ROCK1: variants seen among roughly 807,000 people sequenced by gnomAD.
The protein encoded by ROCK1 is Rho associated coiled-coil containing protein kinase 1.
A neutral mutation model predicts 196.8 loss-of-function variants in ROCK1; 36 were observed. That is an observed-to-expected ratio of 0.18 (90% CI 0.14 to 0.24). The LOEUF is 0.24. Ranked by LOEUF, ROCK1 falls within the 10% of genes least tolerant of loss-of-function variation. The pLI, the probability that ROCK1 is intolerant of heterozygous loss-of-function variation, is 1.00. For missense variants in ROCK1, 920 were observed against 1,562.0 expected, an observed-to-expected ratio of 0.59 and a Z score of 6.93; for synonymous variants, 443 against 515.9, an observed-to-expected ratio of 0.86 and a Z score of 1.91.
intron 20 of ROCK1, among the ~76,000 whole-genome samples, chr18:20,983,165 C>G (rs953694847): frequency 4.0e-5 from 6 of 149,858 alleles, no homozygotes; most frequent in African/African-American, 1.5e-4. Flanking sequence ...GAAAAGCAGT[C>G]ATAGGGAAGA....
Position 20,988,224 on chromosome 18 carries a change from C to G in ROCK1, c.2144-1114G>C, listed in dbSNP as rs1474983114. ...GAGATTACAGGTACGCACCACTACACGCAGCTAATTTTTGTATTTTTCAGT... is the reference window on the plus strand; with the variant it reads ...GAGATTACAGGTACGCACCACTACAGGCAGCTAATTTTTGTATTTTTCAGT... On this transcript the variant is annotated intron_variant, in intron 18 of 32. Coordinates refer to ENST00000399799, the MANE Select transcript of ROCK1 (RefSeq NM_005406.3). Among the ~76,000 whole-genome samples, 3 of 152,176 alleles carry G rather than the reference C, an allele frequency of 2.0e-5. No homozygotes were observed. The South Asian group carries it at 6.2e-4, about 32-fold the overall frequency.
intron 4 of ROCK1, among the ~76,000 whole-genome samples, chr18:21,046,316 T>C (rs2036158428): frequency 6.6e-6 from 1 of 152,230 alleles, no homozygotes; most frequent in Non-Finnish European, 1.5e-5. Context: ...TTCGTTTAAC[T>C]TTTATACCTG....
chr18:21,081,248 A>G (rs1012523807), intron 1 of ROCK1, among the ~76,000 whole-genome samples: 1 of 152,182 alleles, frequency 6.6e-6, no homozygotes, highest in Non-Finnish European at 1.5e-5. Flanking sequence ...AAATTAGACA[A>G]TGAACTCTTA....
At chr18:21,106,912 T>C (rs1295635829) in intron 1 of ROCK1, among the ~76,000 whole-genome samples, 1 of 152,250 alleles carries the variant, frequency 6.6e-6, no homozygotes, top group African/African-American at 2.4e-5. Context: ...TCTAAACTAC[T>C]GCAGGTTGAG....
At chr18:21,039,652 CAGTGT>C in intron 8 of ROCK1, 89 bp from the exon 9 acceptor site, 1 of 851,808 alleles carries the variant, frequency 1.2e-6, no homozygotes, top group South Asian at 1.4e-5. Context: ...GATATTAAAT[CAGTGT>C]AGGACGACAA....
intron 18 of ROCK1, among the ~76,000 whole-genome samples, chr18:20,988,179 C>A (rs1012056998): frequency 1.1e-4 from 17 of 152,182 alleles, no homozygotes; most frequent in Admixed American, 8.5e-4. Flanking sequence ...AATACTCCTG[C>A]CTCAGTCTCC....
intron 16 of ROCK1, among the ~76,000 whole-genome samples, chr18:21,002,728 GT>G (rs199983555): frequency 0.01 from 1,565 of 152,152 alleles, 32 homozygotes; most frequent in African/African-American, 0.036. Context: ...CAGACTTTAT[GT>G]TTTTTCATTC....
At chr18:20,987,698 A>AT (rs1212610722) in intron 18 of ROCK1, among the ~76,000 whole-genome samples, 3 of 152,224 alleles carry the variant, frequency 2.0e-5, no homozygotes, top group African/African-American at 4.8e-5. Context: ...AAGTTGCCCC[A>AT]TAAGGATTCA....
chr18:21,045,553 A>C (rs1257432982), intron 4 of ROCK1, 86 bp from the exon 5 acceptor site: 4 of 1,064,234 alleles, frequency 3.8e-6, no homozygotes, highest in Non-Finnish European at 5.2e-6. Context: ...AATGTTAATA[A>C]AAGATTTAAG....
Position 21,058,205 on chromosome 18 carries a change from G to C in ROCK1, c.176-8325C>G, listed in dbSNP as rs189393411. On this transcript the variant is annotated intron_variant, in intron 2 of 32. Coordinates refer to ENST00000399799, the MANE Select transcript of ROCK1 (RefSeq NM_005406.3). ...CTGCAGTCATCTCTGAGTTTGGTGAGACTACAGATTATTCTGCCACATTTT... is the reference window on the plus strand; with the variant it reads ...CTGCAGTCATCTCTGAGTTTGGTGACACTACAGATTATTCTGCCACATTTT... 2.6e-5 allele frequency among the ~76,000 whole-genome samples: 4 copies of C among 152,048 alleles called. No individual in the cohort carries two copies. The South Asian group carries it at 8.3e-4, about 32-fold the overall frequency.
chr18:21,042,426 C>G, intron 7 of ROCK1, 139 bp downstream of exon 7: 1 of 1,066,710 alleles, frequency 9.4e-7, no homozygotes, highest in Non-Finnish European at 1.3e-6. Flanking sequence ...AAAACACATA[C>G]GAAGCAGGTT....
chr18:20,975,891 G>A (rs551780403), intron 22 of ROCK1, among the ~76,000 whole-genome samples: 9 of 152,214 alleles, frequency 5.9e-5, no homozygotes, highest in South Asian at 2.1e-4. Flanking sequence ...GATTACAGGC[G>A]TGAGCCACCA....
intron 32 of ROCK1, among the ~76,000 whole-genome samples, chr18:20,952,482 A>C (rs2143314747): frequency 6.6e-6 from 1 of 152,000 alleles, no homozygotes. Context: ...AAAGTCCATC[A>C]AAAATAGTTA....
intron 11 of ROCK1, among the ~76,000 whole-genome samples, chr18:21,020,464 T>C (rs1282752462): frequency 6.6e-6 from 1 of 152,140 alleles, no homozygotes; most frequent in East Asian, 1.9e-4. Flanking sequence ...TGGTTCCTGT[T>C]CTCATGAAGC....
intron 1 of ROCK1, among the ~76,000 whole-genome samples, chr18:21,106,242 A>C (rs1463619666): frequency 6.6e-6 from 1 of 152,208 alleles, no homozygotes; most frequent in Non-Finnish European, 1.5e-5. Context: ...CAAGCAAGAT[A>C]TTTTCATGAA....
intron 27 of ROCK1, among the ~76,000 whole-genome samples, chr18:20,961,501 G>C (rs2035326104): frequency 6.6e-6 from 1 of 152,164 alleles, no homozygotes. Context: ...CAAAAGAAGA[G>C]ACTAAGGCTT....
At chr18:21,083,760 A>G (rs1284732882) in intron 1 of ROCK1, among the ~76,000 whole-genome samples, 1 of 152,210 alleles carries the variant, frequency 6.6e-6, no homozygotes, top group African/African-American at 2.4e-5. Context: ...CATACAAAAT[A>G]CGTGTTGTTA....
intron 1 of ROCK1, among the ~76,000 whole-genome samples, chr18:21,071,899 G>A (rs558889144): frequency 7.1e-4 from 108 of 152,314 alleles, no homozygotes; most frequent in Non-Finnish European, 1.3e-3. Flanking sequence ...ACACATAACA[G>A]ATTTGTGAGA....
chr18:20,982,346 G>A (rs1333756150), intron 21 of ROCK1, among the ~76,000 whole-genome samples: 1 of 152,136 alleles, frequency 6.6e-6, no homozygotes, highest in East Asian at 1.9e-4. Flanking sequence ...CCAACTACTG[G>A]ACTCAAGCAA....
Sources: gnomAD v4.1 joint callset for allele counts (sites outside exome capture counted in the v4.1 genomes callset) on GRCh38, gnomAD v4.1.1 for gene constraint, MANE v1.5 for transcripts, NCBI Gene and HGNC (gene_info 2026-07-23, HGNC 2026-07-21) for gene names.